Variants in PCDH15 observed in about 807,000 individuals in gnomAD.
The protein encoded by PCDH15 is protocadherin-15.
In PCDH15, 129 loss-of-function variants were observed where a neutral mutation model predicts 178.5. That is an observed-to-expected ratio of 0.72 (90% CI 0.63 to 0.84). The LOEUF (loss-of-function observed/expected upper bound fraction) is 0.84. Among genes scored for constraint, PCDH15 ranks in the 40% least tolerant of loss-of-function variants. The pLI, the probability that PCDH15 is intolerant of heterozygous loss-of-function variation, is 0.00. For missense variants in PCDH15, 2,230 were observed against 2,099.9 expected (o/e 1.06, Z -1.21); for synonymous variants, 800 against 732.0 (o/e 1.09, Z -1.50).
intron 2 of PCDH15, among the ~76,000 whole-genome samples, chr10:54,633,727 G>A (rs1310751749): frequency 6.6e-6 from 1 of 152,062 alleles, no homozygotes; most frequent in Non-Finnish European, 1.5e-5. Flanking sequence ...TAATCTCCAA[G>A]GTTTCAGAAA....
intron 2 of PCDH15, among the ~76,000 whole-genome samples, chr10:55,161,626 A>C: frequency 6.6e-6 from 1 of 152,146 alleles, no homozygotes; most frequent in East Asian, 1.9e-4. Flanking sequence ...ACAATGTTAG[A>C]AAAACAAATT....
At chr10:55,396,845 AT>A (rs2132020211) in intron 2 of PCDH15, among the ~76,000 whole-genome samples, 1 of 152,286 alleles carries the variant, frequency 6.6e-6, no homozygotes, top group Admixed American at 6.5e-5. Context: ...GACACATGGA[AT>A]TTCGCCCAAT....
intron 2 of PCDH15, among the ~76,000 whole-genome samples, chr10:54,571,769 A>C (rs932562679): frequency 2.6e-5 from 4 of 152,242 alleles, no homozygotes; most frequent in African/African-American, 7.2e-5. Context: ...TTCACATTTC[A>C]TCTAATTTTA....
chr10:55,047,061 A>G (rs1181458514), intron 2 of PCDH15, among the ~76,000 whole-genome samples: 1 of 151,824 alleles, frequency 6.6e-6, no homozygotes, highest in Non-Finnish European at 1.5e-5. Context: ...CTTCAGTTGA[A>G]TATCTAAGAT....
intron 1 of PCDH15, among the ~76,000 whole-genome samples, chr10:55,220,814 T>C (rs929073098): frequency 3.3e-5 from 5 of 152,098 alleles, no homozygotes; most frequent in Non-Finnish European, 7.3e-5. Context: ...CACTTTGTTG[T>C]TGTTAAGTTA....
intron 8 of PCDH15, among the ~76,000 whole-genome samples, chr10:54,264,323 G>C (rs1027716649): frequency 2.6e-5 from 4 of 152,112 alleles, no homozygotes; most frequent in African/African-American, 9.7e-5. Flanking sequence ...CAGATGGAAA[G>C]GAATAAGCAC....
chr10:54,838,901 GC>G (rs903684241), intron 3 of PCDH15, among the ~76,000 whole-genome samples: 1 of 152,060 alleles, frequency 6.6e-6, no homozygotes, highest in Non-Finnish European at 1.5e-5. Context: ...CAGGATTCAT[GC>G]CCACTCTGGT....
At chr10:54,291,552 C>A (rs75222537) in intron 8 of PCDH15, among the ~76,000 whole-genome samples, 1 of 151,762 alleles carries the variant, frequency 6.6e-6, no homozygotes, top group Non-Finnish European at 1.5e-5. Context: ...TTGAAAGGAC[C>A]AACAAAATTG....
At chr10:54,707,116 T>C (rs990829601) in intron 1 of PCDH15, among the ~76,000 whole-genome samples, 1 of 152,148 alleles carries the variant, frequency 6.6e-6, no homozygotes, top group Non-Finnish European at 1.5e-5. Context: ...CTATAGGTAA[T>C]AAATGAAACT....
chr10:54,221,302 C>T (rs1200313080), intron 9 of PCDH15, among the ~76,000 whole-genome samples: 2 of 151,996 alleles, frequency 1.3e-5, no homozygotes, highest in African/African-American at 4.8e-5. Context: ...GAAATGGCAA[C>T]CTAAATTAAT....
chr10:53,910,237 G>A (rs1481903023), intron 25 of PCDH15, among the ~76,000 whole-genome samples: 1 of 152,154 alleles, frequency 6.6e-6, no homozygotes, highest in Non-Finnish European at 1.5e-5. Flanking sequence ...AGCCTAACTG[G>A]GAGGCACCTC....
chr10:55,499,452 C>A (rs112305876), intron 2 of PCDH15, among the ~76,000 whole-genome samples: 7 of 134,974 alleles, frequency 5.2e-5, no homozygotes, highest in Non-Finnish European at 1.1e-4. Context: ...CACACACACA[C>A]AAATAATGTT....
In PCDH15 at chr10:54,437,428, T is replaced by C. The variant is rs147480542; in HGVS notation, c.158-58486A>G. On this transcript the variant is annotated intron_variant, in intron 3 of 37. Coordinates refer to ENST00000644397, the MANE Select transcript of PCDH15 (RefSeq NM_001384140.1). ...AAGTGTACAGTGTTTATAAAGTCTA[T>C]AGCAATGTACAGCCATATCCTAGGC... is the stretch of plus-strand genomic sequence containing the variant. Among the ~76,000 whole-genome samples the C allele has an allele frequency of 4.9e-3, 746 of 152,290 alleles. 9 individuals are homozygous for C. Among genetic ancestry groups the C allele is most frequent in the African/African-American group, 0.017 (690 of 41,562 alleles).
chr10:53,945,231 G>A (rs2086436382), intron 23 of PCDH15, among the ~76,000 whole-genome samples: 1 of 152,076 alleles, frequency 6.6e-6, no homozygotes, highest in African/African-American at 2.4e-5. Flanking sequence ...ATGCATTTCA[G>A]TATATTTATA....
intron 3 of PCDH15, among the ~76,000 whole-genome samples, chr10:54,497,889 T>C (rs1274882931): frequency 2.0e-5 from 3 of 152,118 alleles, no homozygotes; most frequent in Non-Finnish European, 2.9e-5. Context: ...TATTTGAGAA[T>C]ATTGTCTATG....
intron 2 of PCDH15, among the ~76,000 whole-genome samples, chr10:55,602,044 C>G (rs181508057): frequency 1.3e-5 from 2 of 152,098 alleles, no homozygotes; most frequent in African/African-American, 2.4e-5. Context: ...CGTGCACCAG[C>G]CAAAGCAGGG....
chr10:54,443,009 G>A (rs959749798), intron 3 of PCDH15, among the ~76,000 whole-genome samples: 6 of 151,646 alleles, frequency 4.0e-5, no homozygotes, highest in African/African-American at 1.5e-4. Context: ...AGCTCCAGGT[G>A]AAATTATGCT....
chr10:54,716,086 G>A (rs1050139721), intron 1 of PCDH15, among the ~76,000 whole-genome samples: 1 of 152,072 alleles, frequency 6.6e-6, no homozygotes, highest in Non-Finnish European at 1.5e-5. Context: ...GTTCTCACAG[G>A]CTGCCCACTG....
At chr10:53,840,145 G>T (rs937140954) in intron 29 of PCDH15, among the ~76,000 whole-genome samples, 175 bp downstream of exon 29, 1 of 149,454 alleles carries the variant, frequency 6.7e-6, no homozygotes. Flanking sequence ...CCCACACTTA[G>T]ACCTGAAAAC....
Sources: allele counts gnomAD v4.1 joint callset (sites outside exome capture counted in the v4.1 genomes callset), GRCh38; gene constraint gnomAD v4.1.1; transcripts MANE v1.5; gene names NCBI Gene and HGNC (gene_info 2026-07-23, HGNC 2026-07-21).